HS3ST5: variants seen among roughly 807,000 people sequenced by gnomAD.
HS3ST5 encodes heparan sulfate-glucosamine 3-sulfotransferase 5.
A neutral mutation model predicts 25.4 loss-of-function variants in HS3ST5; 10 were observed. That is an observed-to-expected ratio of 0.39 (90% CI 0.24 to 0.67). HS3ST5 has a LOEUF of 0.67. HS3ST5 is among the 30% of genes least tolerant of loss of function. The probability of loss-of-function intolerance (pLI) is 0.44; values close to 1 mark genes in which losing one functional copy is unlikely to be tolerated. For synonymous variants in HS3ST5, 170 were observed against 162.4 expected, an observed-to-expected ratio of 1.05 and a Z score of -0.36; for missense variants, 324 against 420.7, an observed-to-expected ratio of 0.77 and a Z score of 2.01.
At chr6:114,076,099 G>GT (rs1456644326) in intron 3 of HS3ST5, among the ~76,000 whole-genome samples, 1 of 152,192 alleles carries the variant, frequency 6.6e-6, no homozygotes, top group African/African-American at 2.4e-5. Context: ...TATCAAACAG[G>GT]TAAGAAAAGG....
At chr6:114,225,077 A>G (rs1782229582) in intron 2 of HS3ST5, among the ~76,000 whole-genome samples, 2 of 151,774 alleles carry the variant, frequency 1.3e-5, no homozygotes, top group African/African-American at 4.8e-5. Context: ...CTTTGGTACC[A>G]TAAGGGATGG....
At chr6:114,286,031 A>T (rs1449662076) in intron 1 of HS3ST5, among the ~76,000 whole-genome samples, 1 of 151,910 alleles carries the variant, frequency 6.6e-6, no homozygotes, top group African/African-American at 2.4e-5. Flanking sequence ...ATATATGCAA[A>T]AACTGTCTAA....
chr6:114,203,693 T>G (rs1781134350), intron 2 of HS3ST5, among the ~76,000 whole-genome samples: 1 of 152,152 alleles, frequency 6.6e-6, no homozygotes, highest in Non-Finnish European at 1.5e-5. Flanking sequence ...AAAGACAGTT[T>G]AAACACTCTT....
At chr6:114,206,285 A>G (rs1277319545) in intron 2 of HS3ST5, among the ~76,000 whole-genome samples, 1 of 152,126 alleles carries the variant, frequency 6.6e-6, no homozygotes, top group Non-Finnish European at 1.5e-5. Context: ...CAGTTTTTGT[A>G]TCTCTTTTTC....
intron 2 of HS3ST5, among the ~76,000 whole-genome samples, chr6:114,202,634 C>G (rs536297393): frequency 6.6e-6 from 1 of 152,116 alleles, no homozygotes; most frequent in Non-Finnish European, 1.5e-5. Context: ...TCACAAAATC[C>G]TCTCTTAGGA....
intron 3 of HS3ST5, among the ~76,000 whole-genome samples, chr6:114,160,228 AAT>A (rs547271802): frequency 0.08 from 12,158 of 152,188 alleles, 553 homozygotes; most frequent in African/African-American, 0.12. Context: ...ACTTCTTATC[AAT>A]CTTTGTTGAC....
chr6:114,080,645 G>A (rs1774399671), intron 3 of HS3ST5, among the ~76,000 whole-genome samples: 1 of 152,202 alleles, frequency 6.6e-6, no homozygotes, highest in African/African-American at 2.4e-5. Flanking sequence ...TTTGGGTGCA[G>A]CTGGAGGCCA....
chr6:114,281,595 A>G (rs1342254941), intron 1 of HS3ST5, among the ~76,000 whole-genome samples: 1 of 152,012 alleles, frequency 6.6e-6, no homozygotes, highest in East Asian at 1.9e-4. Flanking sequence ...GGGAAATCAA[A>G]CTTGGAGAGA....
intron 2 of HS3ST5, among the ~76,000 whole-genome samples, chr6:114,208,989 CAAG>C (rs1781397072): frequency 6.6e-6 from 1 of 152,000 alleles, no homozygotes; most frequent in Non-Finnish European, 1.5e-5. Context: ...CAAAGCCAAA[CAAG>C]AAGGATAGGA....
chr6:114,322,772 T>G (rs1405028786), intron 1 of HS3ST5, among the ~76,000 whole-genome samples: 1 of 152,190 alleles, frequency 6.6e-6, no homozygotes, highest in African/African-American at 2.4e-5. Context: ...CTAGCTATAT[T>G]ACTGCGATAT....
At chr6:114,083,219 C>G (rs1774566433) in intron 3 of HS3ST5, among the ~76,000 whole-genome samples, 1 of 152,062 alleles carries the variant, frequency 6.6e-6, no homozygotes, top group Non-Finnish European at 1.5e-5. Context: ...TGGAAAATTA[C>G]AAAAACAAGA....
chr6:114,311,539 CTTTTTTTTTTTT>C (rs11463610), intron 1 of HS3ST5, among the ~76,000 whole-genome samples: 3 of 84,880 alleles, frequency 3.5e-5, no homozygotes, highest in African/African-American at 1.4e-4. Context: ...TTCTCTCTCT[CTTTTTTTTTTTT>C]TTTTTTTTTT....
At chr6:114,320,062 G>A (rs571405785) in intron 1 of HS3ST5, among the ~76,000 whole-genome samples, 1 of 152,180 alleles carries the variant, frequency 6.6e-6, no homozygotes, top group Admixed American at 6.6e-5. Context: ...GTTATTGAAT[G>A]CATACAAGAC....
intron 3 of HS3ST5, among the ~76,000 whole-genome samples, chr6:114,067,512 T>C (rs933030393): frequency 6.6e-6 from 1 of 152,184 alleles, no homozygotes; most frequent in African/African-American, 2.4e-5. Context: ...CTATTAAACC[T>C]AACTCTCGCT....
intron 2 of HS3ST5, among the ~76,000 whole-genome samples, chr6:114,172,315 G>T (rs1279113953): frequency 6.6e-6 from 1 of 152,206 alleles, no homozygotes; most frequent in East Asian, 1.9e-4. Flanking sequence ...CTAGGCTTCA[G>T]TGTGTTTTCT....
At chr6:114,101,904 A>G (rs1481980401) in intron 3 of HS3ST5, among the ~76,000 whole-genome samples, 1 of 152,188 alleles carries the variant, frequency 6.6e-6, no homozygotes, top group African/African-American at 2.4e-5. Flanking sequence ...TTGTGGCAAC[A>G]TGGATGGACA....
chr6:114,109,646 T>A (rs1776168991), intron 3 of HS3ST5, among the ~76,000 whole-genome samples: 1 of 152,152 alleles, frequency 6.6e-6, no homozygotes, highest in African/African-American at 2.4e-5. Context: ...CTCTCCTTTC[T>A]GGGAGGACCT....
At chr6:114,084,785 T>G in intron 3 of HS3ST5, 1 of 749,340 alleles carries the variant, frequency 1.3e-6, no homozygotes, top group South Asian at 1.4e-5. Context: ...AGCAGCAAAC[T>G]TAAGCATATT....
At chr6:114,177,322 T>C (rs372328954) in intron 2 of HS3ST5, among the ~76,000 whole-genome samples, 1 of 152,304 alleles carries the variant, frequency 6.6e-6, no homozygotes, top group African/African-American at 2.4e-5. Flanking sequence ...ATTCAGTATA[T>C]TTCAGACTTA....
Sources: gnomAD v4.1 joint callset for allele counts (sites outside exome capture counted in the v4.1 genomes callset) on GRCh38, gnomAD v4.1.1 for gene constraint, MANE v1.5 for transcripts, NCBI Gene and HGNC (gene_info 2026-07-23, HGNC 2026-07-21) for gene names.